NOX4: variants seen among roughly 807,000 people sequenced by gnomAD.
NOX4 encodes NADPH oxidase 4, also known as kidney oxidase-1.
A neutral mutation model predicts 87.6 loss-of-function variants in NOX4; 69 were observed. The observed-to-expected ratio is 0.79, with a 90% CI of 0.65 to 0.96. The LOEUF is 0.96. Ranked by LOEUF, NOX4 falls within the 40% of genes least tolerant of loss-of-function variation. The pLI is 0.00. For synonymous variants in NOX4, 275 were observed against 238.2 expected, an observed-to-expected ratio of 1.15 and a Z score of -1.42; for missense variants, 680 against 681.5, an observed-to-expected ratio of 1.00 and a Z score of 0.02.
the NOX4 span, among the ~76,000 whole-genome samples, chr11:89,523,581 T>C: frequency 6.6e-6 from 1 of 152,200 alleles, no homozygotes; most frequent in Admixed American, 6.5e-5. Flanking sequence ...TCTGTAGAAA[T>C]TGAATTAAAA....
chr11:89,368,489 G>A (rs1354186710), intron 12 of NOX4, among the ~76,000 whole-genome samples: 2 of 152,096 alleles, frequency 1.3e-5, no homozygotes, highest in African/African-American at 4.8e-5. Context: ...CTAAGCTGGT[G>A]CCTTACTGCT....
chr11:89,472,341 C>T (rs1306648606), intron 2 of NOX4, among the ~76,000 whole-genome samples: 2 of 152,054 alleles, frequency 1.3e-5, no homozygotes, highest in African/African-American at 2.4e-5. Context: ...TCAAGTTGAC[C>T]TATCTTCTCA....
intron 7 of NOX4, among the ~76,000 whole-genome samples, chr11:89,425,801 A>T (rs1002123215): frequency 2.6e-5 from 4 of 152,134 alleles, no homozygotes; most frequent in Non-Finnish European, 5.9e-5. Flanking sequence ...AAGGTTAAAA[A>T]CTATAAAGAC....
chr11:89,519,934 T>C, the NOX4 span, among the ~76,000 whole-genome samples: 6 of 151,864 alleles, frequency 4.0e-5, no homozygotes, highest in African/African-American at 1.4e-4. Flanking sequence ...AGCATCATTC[T>C]CTCTCTCTCT....
Position 89,326,752 on chromosome 11 carries a change from G to A in NOX4, c.*4C>T, listed in dbSNP as rs753494326. ...TTTAGAGTCCTGCTTCATGGCAAAA[G>A]TTTTCAGCTGAAAGACTCTTTATTG... On this transcript the variant is annotated 3_prime_UTR_variant, in exon 18 of 18. Transcript: ENST00000263317. 5 of 1,611,740 alleles carry A rather than the reference G, an allele frequency of 3.1e-6. No homozygotes were observed. In the South Asian group the frequency reaches 3.3e-5, roughly 11 times the overall value.
upstream of NOX4, among the ~76,000 whole-genome samples, chr11:89,494,567 CACA>C (rs1946927513): frequency 6.6e-6 from 1 of 152,176 alleles, no homozygotes; most frequent in African/African-American, 2.4e-5. Context: ...TAGGAATTTA[CACA>C]ACGTTTATTA....
At chr11:89,364,065 C>T (rs1167073420) in intron 12 of NOX4, among the ~76,000 whole-genome samples, 1 of 151,984 alleles carries the variant, frequency 6.6e-6, no homozygotes, top group Non-Finnish European at 1.5e-5. Context: ...GGCAACACAG[C>T]AAGACCCTTG....
At chr11:89,439,635 A>C (rs1944370490) in intron 6 of NOX4, among the ~76,000 whole-genome samples, 1 of 152,178 alleles carries the variant, frequency 6.6e-6, no homozygotes, top group Admixed American at 6.6e-5. Context: ...CATCTCAACT[A>C]TGCAATCATC....
intron 12 of NOX4, among the ~76,000 whole-genome samples, chr11:89,357,350 A>G (rs1327453540): frequency 6.6e-6 from 1 of 151,954 alleles, no homozygotes; most frequent in African/African-American, 2.4e-5. Context: ...CTCGAATTAT[A>G]CTCTTTTAGT....
chr11:89,491,443 G>A (rs549948642), upstream of NOX4: 23 of 542,002 alleles, frequency 4.2e-5, no homozygotes, highest in Non-Finnish European at 6.4e-5. Flanking sequence ...GGTTTTCCGG[G>A]CGCCCTGACT....
At chr11:89,529,770 C>T in the NOX4 span, among the ~76,000 whole-genome samples, 76 of 152,308 alleles carry the variant, frequency 5.0e-4, 1 homozygote, top group East Asian at 0.012. Flanking sequence ...CAGTGACACA[C>T]TGGAAAGCTT....
At chr11:89,551,335 G>A in the NOX4 span, among the ~76,000 whole-genome samples, 1 of 152,192 alleles carries the variant, frequency 6.6e-6, no homozygotes, top group East Asian at 1.9e-4. Context: ...CTCATTCTGT[G>A]AAGAAAGTCA....
At chr11:89,388,096 G>A (rs1940841407) in intron 11 of NOX4, among the ~76,000 whole-genome samples, 3 of 152,136 alleles carry the variant, frequency 2.0e-5, no homozygotes, top group Admixed American at 6.6e-5. Context: ...GATTTTTAAA[G>A]TTCAATTAGT....
At chr11:89,571,882 CCTCT>C in the NOX4 span, among the ~76,000 whole-genome samples, 1 of 152,072 alleles carries the variant, frequency 6.6e-6, no homozygotes, top group Non-Finnish European at 1.5e-5. Context: ...CAAAGTCATC[CCTCT>C]GAGGCTCACC....
At chr11:89,335,663 G>C (rs1159302075) in intron 17 of NOX4, among the ~76,000 whole-genome samples, 182 bp downstream of exon 17, 7 of 151,652 alleles carry the variant, frequency 4.6e-5, no homozygotes, top group Admixed American at 4.6e-4. Context: ...TTAATTATTT[G>C]GAATTACAAA....
intron 17 of NOX4, 22 bp downstream of exon 17, chr11:89,335,823 A>C: frequency 8.5e-7 from 1 of 1,180,984 alleles, no homozygotes; most frequent in East Asian, 2.6e-5. Context: ...CACATATCAA[A>C]TTTTTGAGGT....
chr11:89,496,580 TA>T (rs58129167), upstream of NOX4, among the ~76,000 whole-genome samples: 128 of 144,312 alleles, frequency 8.9e-4, no homozygotes, highest in South Asian at 1.7e-3. Context: ...AATAGAGCTG[TA>T]AAAAAAAAAA....
intron 2 of NOX4, among the ~76,000 whole-genome samples, chr11:89,478,212 A>G (rs972168950): frequency 1.1e-4 from 16 of 152,160 alleles, no homozygotes; most frequent in Admixed American, 4.6e-4. Context: ...ACAAAAAAAA[A>G]TCTTATAAGC....
At chr11:89,399,323 A>G (rs1033879562) in intron 11 of NOX4, among the ~76,000 whole-genome samples, 1 of 150,092 alleles carries the variant, frequency 6.7e-6, no homozygotes, top group African/African-American at 2.4e-5. Flanking sequence ...AACCCAGAGT[A>G]TCCGTATTTC....
Sources: allele counts gnomAD v4.1 joint callset (sites outside exome capture counted in the v4.1 genomes callset), GRCh38; gene constraint gnomAD v4.1.1; transcripts MANE v1.5; gene names NCBI Gene and HGNC (gene_info 2026-07-23, HGNC 2026-07-21).